ARHGEF28: variants seen among roughly 807,000 people sequenced by gnomAD.
The protein encoded by ARHGEF28 is 190 kDa guanine nucleotide exchange factor.
ARHGEF28 carries 152 observed loss-of-function variants against 206.6 expected under a neutral mutation model. The observed-to-expected ratio is 0.74, with a 90% CI of 0.64 to 0.84. The LOEUF (loss-of-function observed/expected upper bound fraction) is 0.84, where lower values mean the gene tolerates loss of function less well. Among genes scored for constraint, ARHGEF28 ranks in the 40% least tolerant of loss-of-function variants. The probability of loss-of-function intolerance (pLI) is 0.00; values close to 1 mark genes in which losing one functional copy is unlikely to be tolerated. For synonymous variants in ARHGEF28, 763 were observed against 776.4 expected (o/e 0.98, Z 0.29); for missense variants, 2,028 against 2,073.2 (o/e 0.98, Z 0.42).
intron 21 of ARHGEF28, among the ~76,000 whole-genome samples, chr5:73,870,852 A>T (rs1222826052): frequency 6.6e-6 from 1 of 152,220 alleles, no homozygotes; most frequent in Non-Finnish European, 1.5e-5. Context: ...ACTACAAAGT[A>T]GATTCCAAAA....
intron 26 of ARHGEF28, among the ~76,000 whole-genome samples, chr5:73,890,162 C>T (rs895956925): frequency 1.3e-5 from 2 of 152,142 alleles, no homozygotes; most frequent in South Asian, 2.1e-4. Flanking sequence ...TACCGATGGA[C>T]AGGTTCCCAT....
Position 73,869,105 on chromosome 5 carries a change from A to T in ARHGEF28, c.2425+878A>T, listed in dbSNP as rs148111452. Among the ~76,000 whole-genome samples the T allele has an allele frequency of 2.0e-4, 30 of 151,506 alleles. No individual in the cohort carries two copies. In the East Asian group the frequency reaches 5.6e-3, roughly 29 times the overall value. On this transcript the variant is annotated intron_variant, in intron 20 of 35. Transcript: ENST00000513042. ...TGCCCCAGGAACCTGTTTTATTTTA[A>T]TCTTAAGTCTTTAAATTCATTGTCA...
chr5:73,938,931 CTT>C lies in ARHGEF28; in HGVS notation c.4949-1898_4949-1897del, dbSNP rs200516722. Among the ~76,000 whole-genome samples the C allele has an allele frequency of 5.3e-3, 632 of 120,340 alleles. 6 individuals carry two copies. Among genetic ancestry groups the C allele is most frequent in the African/African-American group, 0.014 (477 of 34,124 alleles). 78.9% of individuals were successfully genotyped at this position (120,340 alleles called of 152,430 possible). On this transcript the variant is annotated intron_variant, in intron 35 of 35. Coordinates refer to ENST00000513042, the MANE Select transcript of ARHGEF28 (RefSeq NM_001177693.2). The stretch of plus-strand genomic sequence containing the variant: ...TTTGAGAAGCTTAACATTAATATGT[CTT>C]TTTTTTTTTTTTTTGCCTTTGCTTT...
At chr5:73,688,226 C>A (rs73116538) in intron 2 of ARHGEF28, among the ~76,000 whole-genome samples, 4 of 151,998 alleles carry the variant, frequency 2.6e-5, no homozygotes, top group Admixed American at 2.0e-4. Flanking sequence ...AATTAGATTA[C>A]GTAAGTGGAA....
intron 16 of ARHGEF28, among the ~76,000 whole-genome samples, chr5:73,859,896 C>T (rs974799563): frequency 6.6e-6 from 1 of 152,298 alleles, no homozygotes; most frequent in East Asian, 1.9e-4. Context: ...GCTTTTAAGC[C>T]TGTCTCTGCC....
At chr5:73,816,274 A>C (rs956702413) in intron 9 of ARHGEF28, among the ~76,000 whole-genome samples, 1 of 152,090 alleles carries the variant, frequency 6.6e-6, no homozygotes, top group Admixed American at 6.5e-5. Context: ...TTGGTTTTTT[A>C]TCCTGATGGC....
At chr5:73,798,091 AGTT>A (rs1475797943) in intron 9 of ARHGEF28, among the ~76,000 whole-genome samples, 1 of 151,618 alleles carries the variant, frequency 6.6e-6, no homozygotes, top group East Asian at 1.9e-4. Context: ...ATTTTTTTTA[AGTT>A]GTTGTGGTAC....
chr5:73,745,732 G>A (rs1486665892), intron 2 of ARHGEF28, among the ~76,000 whole-genome samples: 1 of 151,944 alleles, frequency 6.6e-6, no homozygotes, highest in Admixed American at 6.6e-5. Context: ...GGCATGATTG[G>A]GTAAGAGGTG....
At chr5:73,929,797 C>T (rs1405081567) in intron 35 of ARHGEF28, among the ~76,000 whole-genome samples, 1 of 152,028 alleles carries the variant, frequency 6.6e-6, no homozygotes, top group Non-Finnish European at 1.5e-5. Flanking sequence ...GATATGATTT[C>T]CACAGTATGT....
chr5:73,805,794 A>G (rs1409510376), intron 9 of ARHGEF28, among the ~76,000 whole-genome samples: 1 of 152,090 alleles, frequency 6.6e-6, no homozygotes, highest in African/African-American at 2.4e-5. Context: ...ACATTTATAT[A>G]TTTTCTTGAT....
In ARHGEF28 at chr5:73,911,400, C is replaced by T. The variant is rs1467331311; in HGVS notation, c.4773C>T (p.Ala1591=). The change falls in exon 35 of 36, where the codon GCC becomes GCT. Residue 1591 remains alanine (A), a synonymous_variant. Coordinates refer to ENST00000513042, the MANE Select transcript of ARHGEF28 (RefSeq NM_001177693.2). Reference sequence around the variant, plus strand: ...ATCCATCAGTTATCCATCAGGATGCCACTTACCCTACAACTCAATCTCATT... The same window carrying T: ...ATCCATCAGTTATCCATCAGGATGCTACTTACCCTACAACTCAATCTCATT... ...KLNPSVIHQD[A]TYPTTQSHSD... 1.9e-6 allele frequency: 3 copies of T among 1,613,964 alleles called. No individual in the cohort carries two copies. The highest frequency in any genetic ancestry group is 2.5e-6 in the Non-Finnish European group (3 of 1,179,888).
At chr5:73,921,997 C>CA (rs953660723) in intron 35 of ARHGEF28, among the ~76,000 whole-genome samples, 7 of 152,078 alleles carry the variant, frequency 4.6e-5, no homozygotes, top group Admixed American at 1.3e-4. Context: ...CCACCAGAAA[C>CA]AAAAAAACAG....
At chr5:73,730,545 T>TC (rs1750554765) in intron 2 of ARHGEF28, among the ~76,000 whole-genome samples, 1 of 151,386 alleles carries the variant, frequency 6.6e-6, no homozygotes, top group East Asian at 1.9e-4. Flanking sequence ...TTTTTTTTTT[T>TC]TTTTTTTTTG....
chr5:73,722,118 G>A (rs1406544501), intron 2 of ARHGEF28, among the ~76,000 whole-genome samples: 1 of 152,212 alleles, frequency 6.6e-6, no homozygotes, highest in African/African-American at 2.4e-5. Flanking sequence ...ATGTGACTTA[G>A]AGATAGAAAA....
intron 2 of ARHGEF28, among the ~76,000 whole-genome samples, chr5:73,716,323 T>G (rs1237738269): frequency 6.6e-6 from 1 of 152,234 alleles, no homozygotes; most frequent in East Asian, 1.9e-4. Context: ...AGGGCCTGTT[T>G]GGAGACATTC....
At chr5:73,917,680 C>T (rs1044191722) in intron 35 of ARHGEF28, among the ~76,000 whole-genome samples, 2 of 152,252 alleles carry the variant, frequency 1.3e-5, no homozygotes, top group African/African-American at 4.8e-5. Flanking sequence ...CTGTTCATCT[C>T]TACCCTGGGT....
chr5:73,684,934 C>T (rs1334881822), intron 2 of ARHGEF28, 50 bp downstream of exon 2: 2 of 1,586,254 alleles, frequency 1.3e-6, no homozygotes, highest in Non-Finnish European at 1.7e-6. Context: ...TTTCTTAACT[C>T]CAAACCATGT....
intron 9 of ARHGEF28, among the ~76,000 whole-genome samples, chr5:73,799,946 T>C (rs969323283): frequency 1.2e-4 from 18 of 152,230 alleles, no homozygotes; most frequent in African/African-American, 4.3e-4. Context: ...GAGAGTGGGC[T>C]TGGCGCAAGT....
chr5:73,808,885 T>C (rs2931417), intron 9 of ARHGEF28, among the ~76,000 whole-genome samples: 55,025 of 152,044 alleles, frequency 0.36, 11,404 homozygotes, highest in Non-Finnish European at 0.45. Flanking sequence ...GGTATAGTTT[T>C]CTTGGAACTT....
Sources: gnomAD v4.1 joint callset for allele counts (sites outside exome capture counted in the v4.1 genomes callset) on GRCh38, gnomAD v4.1.1 for gene constraint, MANE v1.5 for transcripts, NCBI Gene and HGNC (gene_info 2026-07-23, HGNC 2026-07-21) for gene names.